NRG2: variants seen among roughly 807,000 people sequenced by gnomAD.
NRG2 encodes neuregulin 2.
Under a neutral mutation model 73.9 loss-of-function variants are expected in NRG2, and 27 were observed. The observed-to-expected ratio is 0.37, with a 90% CI of 0.27 to 0.50. The LOEUF is 0.50. Ranked by LOEUF, NRG2 falls within the 20% of genes least tolerant of loss-of-function variation. NRG2 has a pLI of 0.96. For synonymous variants in NRG2, 532 were observed against 541.0 expected, an observed-to-expected ratio of 0.98 and a Z score of 0.23; for missense variants, 1,126 against 1,210.1, an observed-to-expected ratio of 0.93 and a Z score of 1.03.
chr5:139,944,015 TAA>T (rs1197111298), intron 1 of NRG2, among the ~76,000 whole-genome samples: 217 of 152,352 alleles, frequency 1.4e-3, no homozygotes, highest in African/African-American at 4.3e-3. Context: ...TGTACTGAAT[TAA>T]TGTTTTCTCA....
chr5:139,952,187 A>G (rs903598448), intron 1 of NRG2, among the ~76,000 whole-genome samples: 9 of 152,226 alleles, frequency 5.9e-5, no homozygotes, highest in African/African-American at 2.2e-4. Flanking sequence ...TTGGCACCCA[A>G]TAAATGCAGT....
chr5:139,967,369 G>A (rs1161360859), intron 1 of NRG2, among the ~76,000 whole-genome samples: 4 of 152,280 alleles, frequency 2.6e-5, no homozygotes, highest in South Asian at 2.1e-4. Context: ...TACCTCCTCC[G>A]CAACAGAGTC....
intron 5 of NRG2, among the ~76,000 whole-genome samples, chr5:139,858,927 A>G (rs1290176079): frequency 6.6e-6 from 1 of 152,180 alleles, no homozygotes; most frequent in African/African-American, 2.4e-5. Context: ...CAGCTGATAG[A>G]GGATAGGTGG....
At chr5:139,907,310 G>A (rs1047244860) in intron 1 of NRG2, among the ~76,000 whole-genome samples, 15 of 152,070 alleles carry the variant, frequency 9.9e-5, no homozygotes, top group African/African-American at 2.9e-4. Flanking sequence ...GGTGGGAGAG[G>A]GCAACGATGA....
chr5:139,937,770 G>GA (rs1752952215), intron 1 of NRG2, among the ~76,000 whole-genome samples: 1 of 152,010 alleles, frequency 6.6e-6, no homozygotes, highest in Non-Finnish European at 1.5e-5. Context: ...AAAATCTAGA[G>GA]AAAAAATTAA....
chr5:140,018,434 G>A (rs1307188726), intron 1 of NRG2, among the ~76,000 whole-genome samples: 4 of 152,184 alleles, frequency 2.6e-5, no homozygotes, highest in East Asian at 3.8e-4. Context: ...AGAGGAAAAC[G>A]GAGGCACAGC....
intron 1 of NRG2, among the ~76,000 whole-genome samples, chr5:139,963,351 T>C (rs899920197): frequency 1.3e-5 from 2 of 152,166 alleles, no homozygotes; most frequent in African/African-American, 4.8e-5. Context: ...CACATACACA[T>C]GTATTTGCAC....
At chr5:140,015,981 T>A (rs1280118024) in intron 1 of NRG2, among the ~76,000 whole-genome samples, 1 of 152,222 alleles carries the variant, frequency 6.6e-6, no homozygotes, top group Non-Finnish European at 1.5e-5. Flanking sequence ...TAGGTATGGC[T>A]GGCATTGGCT....
chr5:139,928,771 A>G (rs1454396903), intron 1 of NRG2, among the ~76,000 whole-genome samples: 1 of 152,114 alleles, frequency 6.6e-6, no homozygotes, highest in East Asian at 1.9e-4. Context: ...CTGGCTCTTG[A>G]CTTTCTGACA....
At chr5:140,021,675 A>T (rs1760238699) in intron 1 of NRG2, among the ~76,000 whole-genome samples, 1 of 152,222 alleles carries the variant, frequency 6.6e-6, no homozygotes, top group South Asian at 2.1e-4. Context: ...ATTCCTGAAT[A>T]CACAGGCAAC....
At chr5:139,938,981 GAAGGA>G (rs1442013774) in intron 1 of NRG2, among the ~76,000 whole-genome samples, 1 of 140,620 alleles carries the variant, frequency 7.1e-6, no homozygotes, top group Non-Finnish European at 1.5e-5. Context: ...GGAAGGGAAG[GAAGGA>G]AAGGAAGGAA....
At chr5:139,862,734 G>A (rs747533098) in intron 5 of NRG2, among the ~76,000 whole-genome samples, 7 of 152,274 alleles carry the variant, frequency 4.6e-5, no homozygotes, top group Non-Finnish European at 1.0e-4. Context: ...AGGTATGTAA[G>A]AACATGATTG....
intron 1 of NRG2, among the ~76,000 whole-genome samples, chr5:140,034,120 C>T (rs1761340648): frequency 6.6e-6 from 1 of 152,114 alleles, no homozygotes; most frequent in African/African-American, 2.4e-5. Context: ...CACACCACAC[C>T]CAGCTAATTT....
intron 1 of NRG2, among the ~76,000 whole-genome samples, chr5:140,028,342 A>G (rs547277853): frequency 1.8e-4 from 27 of 152,322 alleles, no homozygotes; most frequent in African/African-American, 6.3e-4. Context: ...AAATCTGAAG[A>G]AAAAAATAAA....
Position 139,894,464 on chromosome 5 carries a change from A to C in NRG2, c.701-6953T>G, listed in dbSNP as rs1299382850. Among the ~76,000 whole-genome samples, 2 of 151,950 alleles carry C rather than the reference A, an allele frequency of 1.3e-5. No homozygotes were observed. Among genetic ancestry groups the C allele is most frequent in the Non-Finnish European group, 2.9e-5 (2 of 67,938 alleles). On this transcript the variant is annotated intron_variant, in intron 1 of 9. Coordinates refer to ENST00000361474, the MANE Select transcript of NRG2 (RefSeq NM_004883.3). This position sits in a 1 kb window ranked among gnomAD's most constrained non-coding sequence, Gnocchi z 5.0. ...CAAGTTCAAATGAGAAAGAAAAAAAAAAAACCCACTAAGCTAAAAACACAG... is the reference window on the plus strand; with the variant it reads ...CAAGTTCAAATGAGAAAGAAAAAAACAAAACCCACTAAGCTAAAAACACAG...
chr5:139,878,335 C>G (rs1463076324), intron 3 of NRG2, among the ~76,000 whole-genome samples: 1 of 152,236 alleles, frequency 6.6e-6, no homozygotes, highest in Non-Finnish European at 1.5e-5. Context: ...CTGGCAGGGT[C>G]ATTCAGAATC....
In NRG2 at chr5:139,880,915, C is replaced by A; in HGVS notation, c.932G>T (p.Cys311Phe). ...CTTCCCCAGGATGTTCTCGGCCTCG[C>A]AGACATACTCCCCAGCGTCCTCCAC... ...VKVEDAGEYV[C>F]EAENILGKDT... Residue 311 changes from cysteine (C) to phenylalanine (F), a missense_variant, in exon 3 of 10, where the codon TGC becomes TTC. Transcript: ENST00000361474. 2 of 1,614,188 alleles carry A rather than the reference C, an allele frequency of 1.2e-6. No homozygotes were observed. The highest frequency in any genetic ancestry group is 1.7e-6 in the Non-Finnish European group (2 of 1,180,006).
rs1761396470 is a variant in NRG2 at position 139,851,256 on chromosome 5, GGATTACAGGTGT to G, written c.1772+336_1772+347del. The stretch of plus-strand genomic sequence containing the variant: ...ATCCGCCTTGGCCTCCCAAGTGCTG[GGATTACAGGTGT>G]GAGCCACCGCGCCCGGCTGCCTGTT... On this transcript the variant is annotated intron_variant, in intron 9 of 9. Coordinates refer to ENST00000361474, the MANE Select transcript of NRG2 (RefSeq NM_004883.3). The surrounding 1 kb of genome is among the most constrained non-coding windows in gnomAD (Gnocchi z 4.2). 1.3e-5 allele frequency among the ~76,000 whole-genome samples: 2 copies of G among 152,148 alleles called. No individual in the cohort carries two copies. Among genetic ancestry groups the G allele is most frequent in the Admixed American group, 6.5e-5 (1 of 15,280 alleles).
At chr5:139,930,658 C>A (rs961894932) in intron 1 of NRG2, among the ~76,000 whole-genome samples, 1 of 152,200 alleles carries the variant, frequency 6.6e-6, no homozygotes. Context: ...TATTCCAACT[C>A]ATGGCTCCAC....
Sources: gnomAD v4.1 joint callset for allele counts (sites outside exome capture counted in the v4.1 genomes callset) on GRCh38, gnomAD v4.1.1 for gene constraint, Gnocchi (gnomAD v3.1) non-coding constraint, MANE v1.5 for transcripts, NCBI Gene and HGNC (gene_info 2026-07-23, HGNC 2026-07-21) for gene names.